Variants in SAMD12 observed in about 807,000 individuals in gnomAD.
SAMD12 encodes the protein sterile alpha motif domain-containing protein 12.
In SAMD12, 9 loss-of-function variants were observed where a neutral mutation model predicts 15.0. The observed-to-expected ratio is 0.60, with a 90% CI of 0.36 to 1.05. The LOEUF is 1.05. Among genes scored for constraint, SAMD12 ranks in the 50% least tolerant of loss-of-function variants. The pLI is 0.01. For missense variants in SAMD12, 230 were observed against 234.2 expected (o/e 0.98, Z 0.12); for synonymous variants, 86 against 90.1 (o/e 0.96, Z 0.25).
At chr8:118,494,829 A>G (rs1824560779) in intron 2 of SAMD12, among the ~76,000 whole-genome samples, 1 of 152,212 alleles carries the variant, frequency 6.6e-6, no homozygotes, top group African/African-American at 2.4e-5. Flanking sequence ...TGCTCAGCAT[A>G]GTGTCCCACA....
At chr8:118,422,437 TAGGGAGG>T (rs143440090) in intron 3 of SAMD12, among the ~76,000 whole-genome samples, 1,914 of 151,722 alleles carry the variant, frequency 0.013, 39 homozygotes, top group African/African-American at 0.044. Flanking sequence ...CCAGAGAGGG[TAGGGAGG>T]AGGGGAATAA....
chr8:118,411,890 A>T (rs1322561735), intron 3 of SAMD12, among the ~76,000 whole-genome samples: 2 of 152,214 alleles, frequency 1.3e-5, no homozygotes. Context: ...CAAGTCTACA[A>T]CAAGAGTTGG....
At chr8:118,174,197 T>A in the SAMD12 span, among the ~76,000 whole-genome samples, 1 of 152,216 alleles carries the variant, frequency 6.6e-6, no homozygotes, top group African/African-American at 2.4e-5. Flanking sequence ...TGGGGCAATG[T>A]TTGCCAAAGT....
At chr8:118,515,185 A>ATTTTTTTTT (rs55864364) in intron 2 of SAMD12, among the ~76,000 whole-genome samples, 19 of 103,294 alleles carry the variant, frequency 1.8e-4, no homozygotes, top group Admixed American at 3.7e-4. Context: ...CGCCCAGCTA[A>ATTTTTTTTT]TTTTTTTTTT....
At chr8:118,187,877 A>C (rs1238894928), downstream of SAMD12, among the ~76,000 whole-genome samples, 1 of 152,210 alleles carries the variant, frequency 6.6e-6, no homozygotes, top group Non-Finnish European at 1.5e-5. Context: ...CAGAAAAAAC[A>C]TGGCACCAAG....
At chr8:118,473,804 A>G (rs955609773) in intron 2 of SAMD12, among the ~76,000 whole-genome samples, 1 of 151,924 alleles carries the variant, frequency 6.6e-6, no homozygotes, top group African/African-American at 2.4e-5. Flanking sequence ...GACATGGCAC[A>G]CTCTCTAGAA....
chr8:118,558,553 T>C (rs1006137871), intron 2 of SAMD12, among the ~76,000 whole-genome samples: 5 of 151,888 alleles, frequency 3.3e-5, no homozygotes, highest in African/African-American at 9.7e-5. Context: ...CTTTTGTTTT[T>C]GTTTTTTTTG....
exon 5 of SAMD12, chr8:118,193,112 A>G (rs2129738440): frequency 6.6e-6 from 1 of 152,330 alleles, no homozygotes; most frequent in African/African-American, 2.4e-5. Flanking sequence ...TAGATTTTAG[A>G]AACAGTGCTT....
chr8:118,621,403 C>T (rs180865440), intron 1 of SAMD12: 1 of 280,704 alleles, frequency 3.6e-6, no homozygotes, highest in African/African-American at 2.2e-5. Flanking sequence ...ACCTCTCCCA[C>T]GTGAGGGGGG....
At chr8:118,493,828 A>C (rs1824521816) in intron 2 of SAMD12, among the ~76,000 whole-genome samples, 2 of 152,194 alleles carry the variant, frequency 1.3e-5, no homozygotes, top group African/African-American at 2.4e-5. Flanking sequence ...GGCAGGATCC[A>C]GGATCTAATC....
intron 2 of SAMD12, among the ~76,000 whole-genome samples, chr8:118,498,383 A>T (rs1824687292): frequency 6.6e-6 from 1 of 152,230 alleles, no homozygotes; most frequent in African/African-American, 2.4e-5. Flanking sequence ...ACACGAATAT[A>T]TTTTATTTAA....
At chr8:118,314,696 T>G (rs1049110242) in intron 4 of SAMD12, among the ~76,000 whole-genome samples, 5 of 152,174 alleles carry the variant, frequency 3.3e-5, no homozygotes, top group East Asian at 1.9e-4. Flanking sequence ...TCCCTTGAGA[T>G]TTTTCCAGTT....
the SAMD12 span, among the ~76,000 whole-genome samples, chr8:118,164,780 T>C: frequency 6.6e-6 from 1 of 151,978 alleles, no homozygotes; most frequent in Non-Finnish European, 1.5e-5. Context: ...TGTTCATTCA[T>C]GCATGAATAT....
chr8:118,493,815 C>T (rs1168259877), intron 2 of SAMD12, among the ~76,000 whole-genome samples: 3 of 152,168 alleles, frequency 2.0e-5, no homozygotes, highest in Admixed American at 6.5e-5. Flanking sequence ...GTGGACACCA[C>T]ATGGCAGGAT....
In SAMD12 at chr8:118,554,736, C is replaced by T. The variant is rs553545186; in HGVS notation, c.192+25979G>A. 3.3e-5 allele frequency among the ~76,000 whole-genome samples: 5 copies of T among 151,952 alleles called. No individual in the cohort carries two copies. In the South Asian group the frequency reaches 1.0e-3, roughly 32 times the overall value. On this transcript the variant is annotated intron_variant, in intron 2 of 3. Coordinates refer to ENST00000314727, the MANE Select transcript of SAMD12 (RefSeq NM_207506.3). ...AACCAATTGACTTTAAAGCAGATTACCCTTTATGATATGGGTGGGTCTCGC... is the reference window on the plus strand; with the variant it reads ...AACCAATTGACTTTAAAGCAGATTATCCTTTATGATATGGGTGGGTCTCGC...
At chr8:118,188,110 T>C (rs1819275100), downstream of SAMD12, among the ~76,000 whole-genome samples, 1 of 145,336 alleles carries the variant, frequency 6.9e-6, no homozygotes, top group Non-Finnish European at 1.5e-5. Flanking sequence ...GCAAAGGAGA[T>C]GAGATAGAGG....
At chr8:118,173,761 C>T in the SAMD12 span, among the ~76,000 whole-genome samples, 3 of 151,448 alleles carry the variant, frequency 2.0e-5, no homozygotes, top group African/African-American at 4.8e-5. Flanking sequence ...TCCCGCATAG[C>T]TGGGACTATA....
rs869057300 is a variant in SAMD12 at position 118,391,940 on chromosome 8, TA to T, written c.323-12241del. On this transcript the variant is annotated intron_variant, in intron 3 of 3. Coordinates refer to ENST00000314727, the MANE Select transcript of SAMD12 (RefSeq NM_207506.3). Reference sequence around the variant, plus strand: ...TGAGATGCATTAGGAAAGTTCTGGTTAAAAAAAAAAAAAAGAGGTCTTGGGT... The same window carrying T: ...TGAGATGCATTAGGAAAGTTCTGGTTAAAAAAAAAAAAAGAGGTCTTGGGT... 3.2e-3 allele frequency among the ~76,000 whole-genome samples: 456 copies of T among 140,778 alleles called. 1 individual carries two copies. The highest frequency in any genetic ancestry group is 0.011 in the Middle Eastern group (3 of 278). The allele number at this position is 140,778 out of a possible 152,430, so 92.4% of individuals were successfully genotyped here. A position where few individuals can be genotyped will look rare whatever the true frequency, so the allele number is the denominator to read the frequency against.
intron 4 of SAMD12, among the ~76,000 whole-genome samples, chr8:118,218,547 C>T (rs1812015484): frequency 6.6e-6 from 1 of 151,386 alleles, no homozygotes; most frequent in Admixed American, 6.6e-5. Context: ...ATCCCCAGCC[C>T]CTAGCAACCA....
Sources: allele counts gnomAD v4.1 joint callset (sites outside exome capture counted in the v4.1 genomes callset), GRCh38; gene constraint gnomAD v4.1.1; transcripts MANE v1.5; gene names NCBI Gene and HGNC (gene_info 2026-07-23, HGNC 2026-07-21).